ST6GALNAC3: variants seen among roughly 807,000 people sequenced by gnomAD.
The protein encoded by ST6GALNAC3 is alpha-N-acetylgalactosaminide alpha-2,6-sialyltransferase 3.
Under a neutral mutation model 32.7 loss-of-function variants are expected in ST6GALNAC3, and 25 were observed. That is an observed-to-expected ratio of 0.76 (90% confidence interval 0.56 to 1.07). The LOEUF (loss-of-function observed/expected upper bound fraction) is 1.07. ST6GALNAC3 is among the 50% of genes least tolerant of loss of function. The pLI is 0.00. For missense variants in ST6GALNAC3, 355 were observed against 382.4 expected (o/e 0.93, Z 0.60); for synonymous variants, 129 against 133.1 (o/e 0.97, Z 0.21).
At chr1:76,636,722 T>C (rs1282299883), downstream of ST6GALNAC3, among the ~76,000 whole-genome samples, 1 of 152,098 alleles carries the variant, frequency 6.6e-6, no homozygotes, top group South Asian at 2.1e-4. Context: ...TTTTGCATCC[T>C]AGAAGTTTTT....
At chr1:76,536,654 C>G (rs1237698932) in intron 3 of ST6GALNAC3, among the ~76,000 whole-genome samples, 4 of 57,618 alleles carry the variant, frequency 6.9e-5, no homozygotes, top group South Asian at 8.9e-4. Flanking sequence ...AAATGGAAAG[C>G]AAAAAAAAAA....
intron 1 of ST6GALNAC3, among the ~76,000 whole-genome samples, chr1:76,165,739 G>C: frequency 6.6e-6 from 1 of 151,988 alleles, no homozygotes; most frequent in Admixed American, 6.6e-5. Context: ...ATCTCATTGT[G>C]GTTTTGATTT....
At chr1:76,493,668 A>G (rs1016505073) in intron 3 of ST6GALNAC3, among the ~76,000 whole-genome samples, 4 of 152,064 alleles carry the variant, frequency 2.6e-5, no homozygotes, top group Admixed American at 6.6e-5. Context: ...GAGAGTACAA[A>G]TGTTGGGTCT....
At chr1:76,491,557 T>A (rs766287991) in intron 3 of ST6GALNAC3, among the ~76,000 whole-genome samples, 6 of 152,150 alleles carry the variant, frequency 3.9e-5, no homozygotes, top group Admixed American at 3.3e-4. Context: ...CACAACCTCA[T>A]TCTGAGTGCC....
At chr1:76,132,112 A>C (rs74092523) in intron 1 of ST6GALNAC3, among the ~76,000 whole-genome samples, 3,431 of 151,394 alleles carry the variant, frequency 0.023, 133 homozygotes, top group African/African-American at 0.079. Context: ...TTGTTTTCAT[A>C]CTCTCCCCCA....
At chr1:76,085,602 C>T (rs146850041) in intron 1 of ST6GALNAC3, among the ~76,000 whole-genome samples, 1 of 152,336 alleles carries the variant, frequency 6.6e-6, no homozygotes, top group East Asian at 1.9e-4. Context: ...TGAACTACAT[C>T]AGGACCACTG....
chr1:76,486,323 G>T (rs542074327), intron 3 of ST6GALNAC3, among the ~76,000 whole-genome samples: 10 of 152,212 alleles, frequency 6.6e-5, no homozygotes, highest in Admixed American at 6.5e-4. Context: ...TGACAGTGGG[G>T]TGTTAAAGTC....
At chr1:76,195,997 A>G (rs1213975563) in intron 1 of ST6GALNAC3, among the ~76,000 whole-genome samples, 1 of 152,222 alleles carries the variant, frequency 6.6e-6, no homozygotes, top group Non-Finnish European at 1.5e-5. Context: ...TTTAAGGAAA[A>G]TCAGGAGTTT....
chr1:76,313,980 T>A lies in ST6GALNAC3; in HGVS notation c.194T>A (p.Ile65Lys). The change falls in exon 2 of 5, where the codon ATA (isoleucine) becomes AAA (lysine). Residue 65 changes from isoleucine to lysine, a missense_variant. Coordinates refer to ENST00000328299, the MANE Select transcript of ST6GALNAC3 (RefSeq NM_152996.4). ...CCCCTTCGAACTCACTATGGATACA[T>A]AAATGTGAAGACACAAGAGGTAAGA... ...RRPLRTHYGY[I>K]NVKTQEPLQL... 6.2e-7 allele frequency: 1 copy of A among 1,612,522 alleles called. No homozygotes were observed. The highest frequency in any genetic ancestry group is 8.5e-7 in the Non-Finnish European group (1 of 1,179,240).
intron 1 of ST6GALNAC3, among the ~76,000 whole-genome samples, chr1:76,150,164 C>CA (rs949469937): frequency 6.6e-6 from 1 of 151,592 alleles, no homozygotes; most frequent in Non-Finnish European, 1.5e-5. Context: ...CTACCCCTGC[C>CA]TTTTTTTTTC....
chr1:76,190,781 C>T lies in ST6GALNAC3; in HGVS notation c.18+115897C>T, dbSNP rs144057715. 8.5e-3 allele frequency among the ~76,000 whole-genome samples: 1,298 copies of T among 152,204 alleles called. 56 individuals are homozygous for T. Among genetic ancestry groups the T allele is most frequent in the Admixed American group, 0.07 (1,073 of 15,280 alleles). ...GAGATTCCATCTGCCATTGTTCTTA[C>T]GGACATCTAAAAAGAGCAAGAAAGG... On this transcript the variant is annotated intron_variant, in intron 1 of 4. Coordinates refer to ENST00000328299, the MANE Select transcript of ST6GALNAC3 (RefSeq NM_152996.4).
At chr1:76,165,094 T>C (rs1256471078) in intron 1 of ST6GALNAC3, among the ~76,000 whole-genome samples, 1 of 152,186 alleles carries the variant, frequency 6.6e-6, no homozygotes, top group Non-Finnish European at 1.5e-5. Context: ...TGGGGTTTGT[T>C]GTACAGATTG....
At chr1:76,347,400 A>C (rs1250031653) in intron 2 of ST6GALNAC3, among the ~76,000 whole-genome samples, 1 of 151,994 alleles carries the variant, frequency 6.6e-6, no homozygotes, top group Non-Finnish European at 1.5e-5. Flanking sequence ...AGTTTCTTGC[A>C]TTCTCCTTGA....
chr1:76,219,329 A>G (rs1655641027), intron 1 of ST6GALNAC3, among the ~76,000 whole-genome samples: 1 of 152,168 alleles, frequency 6.6e-6, no homozygotes. Flanking sequence ...TAAGTTTATA[A>G]CTATATTCTT....
intron 1 of ST6GALNAC3, among the ~76,000 whole-genome samples, chr1:76,261,403 T>C (rs486115): frequency 0.17 from 26,183 of 152,162 alleles, 2,504 homozygotes; most frequent in Non-Finnish European, 0.22. Context: ...TCTACCACTA[T>C]GGGACCCATT....
chr1:76,164,332 T>G (rs1236719044), intron 1 of ST6GALNAC3, among the ~76,000 whole-genome samples: 5 of 152,112 alleles, frequency 3.3e-5, no homozygotes, highest in Non-Finnish European at 5.9e-5. Flanking sequence ...TTCAGGCCAG[T>G]AAAGAAACTC....
chr1:76,140,929 G>T (rs1650283558), intron 1 of ST6GALNAC3, among the ~76,000 whole-genome samples: 1 of 150,800 alleles, frequency 6.6e-6, no homozygotes, highest in African/African-American at 2.4e-5. Context: ...GATCCACCGT[G>T]CCCAGGCTTG....
At chr1:76,472,506 G>A (rs1659095561) in intron 3 of ST6GALNAC3, among the ~76,000 whole-genome samples, 3 of 152,212 alleles carry the variant, frequency 2.0e-5, no homozygotes, top group South Asian at 4.2e-4. Context: ...CAGTAGTCTG[G>A]TGAGTGAGAT....
chr1:76,361,755 G>T (rs1330350603), intron 2 of ST6GALNAC3, among the ~76,000 whole-genome samples: 4 of 152,080 alleles, frequency 2.6e-5, no homozygotes, highest in African/African-American at 9.7e-5. Flanking sequence ...GAAGCAGGTG[G>T]ATCACCTGAG....
Sources: allele counts gnomAD v4.1 joint callset (sites outside exome capture counted in the v4.1 genomes callset), GRCh38; gene constraint gnomAD v4.1.1; transcripts MANE v1.5; gene names NCBI Gene and HGNC (gene_info 2026-07-23, HGNC 2026-07-21).